Variants in RAB3GAP1 observed in about 807,000 individuals in gnomAD.
The protein encoded by RAB3GAP1 is rab3 GTPase-activating protein catalytic subunit.
Under a neutral mutation model 130.7 loss-of-function variants are expected in RAB3GAP1, and 86 were observed. The observed-to-expected ratio is 0.66, with a 90% confidence interval of 0.55 to 0.79. RAB3GAP1 has a LOEUF of 0.79. RAB3GAP1 is among the 30% of genes least tolerant of loss of function. The pLI is 0.00. For synonymous variants in RAB3GAP1, 367 were observed against 401.7 expected, an observed-to-expected ratio of 0.91 and a Z score of 1.03; for missense variants, 1,029 against 1,169.4, an observed-to-expected ratio of 0.88 and a Z score of 1.75.
intron 5 of RAB3GAP1, among the ~76,000 whole-genome samples, chr2:135,110,704 AG>A (rs1482492091): frequency 6.6e-6 from 1 of 152,234 alleles, no homozygotes; most frequent in Non-Finnish European, 1.5e-5. Context: ...TTTATTATAG[AG>A]ATATAGATGT....
intron 11 of RAB3GAP1, among the ~76,000 whole-genome samples, chr2:135,129,227 C>G (rs1471785614): frequency 1.3e-5 from 2 of 151,680 alleles, no homozygotes; most frequent in South Asian, 2.1e-4. Flanking sequence ...CAGAGGCGGG[C>G]GGACCATGAG....
At chr2:135,109,602 AGACAG>A (rs902372707) in intron 5 of RAB3GAP1, among the ~76,000 whole-genome samples, 2 of 151,508 alleles carry the variant, frequency 1.3e-5, no homozygotes, top group Non-Finnish European at 2.9e-5. Flanking sequence ...TTTTATTAAG[AGACAG>A]GGCCTTGCTC....
intron 3 of RAB3GAP1, among the ~76,000 whole-genome samples, chr2:135,068,288 C>T (rs1689377990): frequency 6.6e-6 from 1 of 151,898 alleles, no homozygotes; most frequent in African/African-American, 2.4e-5. Flanking sequence ...TCTATTATTT[C>T]CTAATTCTTT....
intron 17 of RAB3GAP1, among the ~76,000 whole-genome samples, chr2:135,142,603 G>T (rs138628701): frequency 1.3e-5 from 2 of 152,074 alleles, no homozygotes; most frequent in Non-Finnish European, 2.9e-5. Flanking sequence ...CAGAAAGAAA[G>T]CATATGATAG....
At chr2:135,102,970 G>A (rs1318842422) in intron 5 of RAB3GAP1, among the ~76,000 whole-genome samples, 8 of 127,030 alleles carry the variant, frequency 6.3e-5, no homozygotes, top group Admixed American at 1.7e-4. Context: ...AGTCAAGATC[G>A]CACACCAGAC....
rs1032656907 is a variant in RAB3GAP1 at position 135,149,901 on chromosome 2, C to T, written c.1924-468C>T. Among the ~76,000 whole-genome samples, 11 of 152,182 alleles carry T rather than the reference C, an allele frequency of 7.2e-5. 1 individual carries two copies. Among genetic ancestry groups the T allele is most frequent in the Admixed American group, 7.2e-4 (11 of 15,278 alleles). ...CTCGATCTCCTGACCTCATGATCCACCCGCCTTGGCTTCCCAAAGTGCTGG... is the reference window on the plus strand; with the variant it reads ...CTCGATCTCCTGACCTCATGATCCATCCGCCTTGGCTTCCCAAAGTGCTGG... On this transcript the variant is annotated intron_variant, in intron 17 of 23. Transcript: ENST00000264158.
In RAB3GAP1 at chr2:135,135,840, A is replaced by G; in HGVS notation, c.1831A>G (p.Met611Val). 1 of 1,614,178 alleles carries G rather than the reference A, an allele frequency of 6.2e-7. No homozygotes were observed. Among genetic ancestry groups the G allele is most frequent in the Non-Finnish European group, 8.5e-7 (1 of 1,179,994 alleles). Reference sequence around the variant, plus strand: ...TGGCAAGAAAGGAGGACCTAAGGAGATGGCAAATTTAAGGCCGGAAGGACG... The same window carrying G: ...TGGCAAGAAAGGAGGACCTAAGGAGGTGGCAAATTTAAGGCCGGAAGGACG... ...ESGKKGGPKE[M>V]ANLRPEGRLY... Residue 611 changes from methionine to valine, a missense_variant, in exon 17 of 24, where the codon ATG (methionine) becomes GTG (valine). Met to Val is a conservative substitution (Grantham distance 21, BLOSUM62 1). Coordinates refer to ENST00000264158, the MANE Select transcript of RAB3GAP1 (RefSeq NM_012233.3).
chr2:135,126,672 C>G lies in RAB3GAP1; in HGVS notation c.973+16C>G. The G allele has an allele frequency of 6.3e-7, 1 of 1,588,658 alleles. No homozygotes were observed. The highest frequency in any genetic ancestry group is 8.6e-7 in the Non-Finnish European group (1 of 1,156,926). On this transcript the variant is annotated intron_variant, in intron 11 of 23. Coordinates refer to ENST00000264158, the MANE Select transcript of RAB3GAP1 (RefSeq NM_012233.3). Reference sequence around the variant, plus strand: ...TGTTTGCTAGGTAAGGTATATTATGCTCCTTTCCTGAAATACTGCTGATCT... The same window carrying G: ...TGTTTGCTAGGTAAGGTATATTATGGTCCTTTCCTGAAATACTGCTGATCT...
chr2:135,154,180 A>G (rs1037665788), intron 19 of RAB3GAP1, among the ~76,000 whole-genome samples: 2 of 152,242 alleles, frequency 1.3e-5, no homozygotes, highest in Non-Finnish European at 2.9e-5. Flanking sequence ...AACATTTTTT[A>G]AGGAAATAAT....
intron 5 of RAB3GAP1, among the ~76,000 whole-genome samples, chr2:135,108,580 T>C (rs1328083719): frequency 6.6e-6 from 1 of 151,920 alleles, no homozygotes; most frequent in African/African-American, 2.4e-5. Flanking sequence ...CTGTAGATTC[T>C]AGATAACAGT....
At chr2:135,078,676 TCCC>T (rs1689698565) in intron 3 of RAB3GAP1, among the ~76,000 whole-genome samples, 1 of 7,412 alleles carries the variant, frequency 1.3e-4, no homozygotes, top group African/African-American at 7.1e-4. Flanking sequence ...TCCCCTCCCC[TCCC>T]CTCCCCTCCC....
chr2:135,053,344 A>G (rs1688930948), intron 2 of RAB3GAP1, among the ~76,000 whole-genome samples: 1 of 152,256 alleles, frequency 6.6e-6, no homozygotes, highest in African/African-American at 2.4e-5. Flanking sequence ...TAAAGTGGGT[A>G]CTGTGCCCAG....
chr2:135,072,339 C>T (rs1053867419), intron 3 of RAB3GAP1, among the ~76,000 whole-genome samples: 1 of 152,146 alleles, frequency 6.6e-6, no homozygotes, highest in African/African-American at 2.4e-5. Context: ...AGACTTATAT[C>T]CCGTTTGCAG....
rs2105001159 is a variant in RAB3GAP1 at position 135,164,593 on chromosome 2, G to C, written c.2607-1G>C. On this transcript the variant is annotated splice_acceptor_variant, in intron 22 of 23. Coordinates refer to ENST00000264158, the MANE Select transcript of RAB3GAP1 (RefSeq NM_012233.3). LOFTEE classifies it high-confidence loss of function. ...TTTCATTGCCTGTCTCTGTCTCCTAGGTTTGTGAGTTGCCTGCTGGAGCAG... is the reference window on the plus strand; with the variant it reads ...TTTCATTGCCTGTCTCTGTCTCCTACGTTTGTGAGTTGCCTGCTGGAGCAG... 6.2e-7 allele frequency: 1 copy of C among 1,608,368 alleles called. No individual in the cohort carries two copies. Among genetic ancestry groups the C allele is most frequent in the Admixed American group, 1.7e-5 (1 of 59,992 alleles).
intron 22 of RAB3GAP1, among the ~76,000 whole-genome samples, chr2:135,163,854 G>T (rs1179610258): frequency 1.3e-5 from 2 of 152,182 alleles, no homozygotes; most frequent in Admixed American, 1.3e-4. Context: ...CAAGGCATTT[G>T]CTGTCTTTTA....
chr2:135,161,111 A>G (rs16831376), intron 19 of RAB3GAP1, among the ~76,000 whole-genome samples: 17,456 of 152,256 alleles, frequency 0.11, 1,299 homozygotes, highest in South Asian at 0.32. Flanking sequence ...GAGGGAACTC[A>G]TTACTCTAGA....
chr2:135,084,967 A>G (rs1218986099), intron 3 of RAB3GAP1, among the ~76,000 whole-genome samples: 1 of 152,232 alleles, frequency 6.6e-6, no homozygotes, highest in Admixed American at 6.5e-5. Context: ...GAATGAGTTA[A>G]AAGTATACTG....
At chr2:135,120,157 A>C (rs1691153817) in intron 7 of RAB3GAP1, among the ~76,000 whole-genome samples, 1 of 152,206 alleles carries the variant, frequency 6.6e-6, no homozygotes, top group African/African-American at 2.4e-5. Context: ...TTGAAAAATG[A>C]ATCACCTTTT....
intron 18 of RAB3GAP1, 136 bp downstream of exon 18, chr2:135,150,642 C>A: frequency 8.9e-7 from 1 of 1,119,104 alleles, no homozygotes; most frequent in Non-Finnish European, 1.3e-6. Context: ...TAGTTCAACA[C>A]TCTGCCACCA....
Sources: gnomAD v4.1 joint callset for allele counts (sites outside exome capture counted in the v4.1 genomes callset) on GRCh38, gnomAD v4.1.1 for gene constraint, MANE v1.5 for transcripts, NCBI Gene and HGNC (gene_info 2026-07-23, HGNC 2026-07-21) for gene names.